Variants in GANC observed in about 807,000 individuals in gnomAD.
The protein encoded by GANC is neutral alpha-glucosidase C.
Under a neutral mutation model 124.2 loss-of-function variants are expected in GANC, and 117 were observed. The ratio of observed to expected loss-of-function variants is 0.94; its 90% CI spans 0.81 to 1.10. The LOEUF (loss-of-function observed/expected upper bound fraction) is 1.10, where lower values mean the gene tolerates loss of function less well. Among genes scored for constraint, GANC ranks in the 50% least tolerant of loss-of-function variants. The probability of loss-of-function intolerance (pLI) is 0.00; values close to 1 mark genes in which losing one functional copy is unlikely to be tolerated. For missense variants in GANC, 1,140 were observed against 1,095.0 expected, an observed-to-expected ratio of 1.04 and a Z score of -0.58; for synonymous variants, 377 against 376.8, an observed-to-expected ratio of 1.00 and a Z score of -0.01.
chr15:42,276,139 T>G (rs2051668581), intron 1 of GANC: 1 of 381,826 alleles, frequency 2.6e-6, no homozygotes, highest in South Asian at 3.9e-5. Flanking sequence ...ACCTGATGTT[T>G]TGTTGTTTAC....
At chr15:42,335,417 C>T (rs116400564) in intron 15 of GANC, among the ~76,000 whole-genome samples, 2,533 of 152,126 alleles carry the variant, frequency 0.017, 74 homozygotes, top group African/African-American at 0.059. Flanking sequence ...ATTCAGCATC[C>T]CTTCTTGTTA....
chr15:42,290,595 G>C (rs1251648818), intron 4 of GANC, among the ~76,000 whole-genome samples: 1 of 152,146 alleles, frequency 6.6e-6, no homozygotes, highest in Non-Finnish European at 1.5e-5. Context: ...ATTGCTTGAG[G>C]TTAAGGGTTG....
At chr15:42,313,918 C>G in intron 10 of GANC, 1 of 605,852 alleles carries the variant, frequency 1.7e-6, no homozygotes. Flanking sequence ...TGCTGCTGCT[C>G]TCCCGCCTAG....
At chr15:42,315,228 A>G (rs2052091307) in intron 10 of GANC, among the ~76,000 whole-genome samples, 1 of 151,116 alleles carries the variant, frequency 6.6e-6, no homozygotes, top group Non-Finnish European at 1.5e-5. Flanking sequence ...AAAAAAGAAA[A>G]GAAGCCATAC....
At position 42,278,453 on chromosome 15, in the gene GANC, T is replaced by C. The variant is rs1338959434; in HGVS notation, c.93-29T>C. ...GGATACTGACAATCACAAATAATTA[T>C]CAAGCATCTGCATACTCCGTATCTA... On this transcript the variant is annotated intron_variant, in intron 2 of 23. Transcript: ENST00000318010. 2.8e-6 allele frequency: 4 copies of C among 1,411,826 alleles called. No homozygotes were observed. The South Asian group carries it at 4.9e-5, about 17-fold the overall frequency. 87.5% of individuals were successfully genotyped at this position (1,411,826 alleles called of 1,614,324 possible). A position where few individuals can be genotyped will look rare whatever the true frequency, so the allele number is the denominator to read the frequency against.
chr15:42,326,745 A>G lies in GANC; in HGVS notation c.1420+321A>G, dbSNP rs189577458. Among the ~76,000 whole-genome samples, 24 of 152,320 alleles carry G rather than the reference A, an allele frequency of 1.6e-4. No individual in the cohort carries two copies. In the East Asian group the frequency reaches 4.4e-3, roughly 28 times the overall value. Reference sequence around the variant, plus strand: ...AAAGCAGAGGAGGAGAAAGAAAAAAAGTGGGTCCTGCAAGCTCTCTCCTTG... The same window carrying G: ...AAAGCAGAGGAGGAGAAAGAAAAAAGGTGGGTCCTGCAAGCTCTCTCCTTG... On this transcript the variant is annotated intron_variant, in intron 12 of 23. Coordinates refer to ENST00000318010, the MANE Select transcript of GANC (RefSeq NM_198141.3).
At position 42,276,361 on chromosome 15, in the gene GANC, G is replaced by A. The variant is rs1321736543; in HGVS notation, c.43G>A (p.Ala15Thr). Residue 15 changes from alanine (A) to threonine (T), a missense_variant, in exon 2 of 24, where the codon GCT (alanine) becomes ACT (threonine). Transcript: ENST00000318010. Reference protein sequence around the residue: ...VKEEISLEDEAVDKNIFRDCN... With the variant: ...VKEEISLEDETVDKNIFRDCN... The stretch of plus-strand genomic sequence containing the variant: ...CTTTTTATTTAGTCTTGAAGATGAA[G>A]CTGTAGATAAAAACATTTTCAGAGA... 1.4e-6 allele frequency: 2 copies of A among 1,463,202 alleles called. No homozygotes were observed. Among genetic ancestry groups the A allele is most frequent in the Admixed American group, 3.4e-5 (2 of 58,700 alleles). The allele number at this position is 1,463,202 out of a possible 1,614,324, so 90.6% of individuals were successfully genotyped here. A position where few individuals can be genotyped will look rare whatever the true frequency, so the allele number is the denominator to read the frequency against.
At chr15:42,325,645 T>C (rs1366164713) in intron 11 of GANC, among the ~76,000 whole-genome samples, 1 of 137,080 alleles carries the variant, frequency 7.3e-6, no homozygotes, top group Non-Finnish European at 1.7e-5. Flanking sequence ...TCTGTATGTA[T>C]AGTATGCAGC....
intron 6 of GANC, among the ~76,000 whole-genome samples, chr15:42,300,609 A>G (rs2141034663): frequency 6.6e-6 from 1 of 152,328 alleles, no homozygotes; most frequent in African/African-American, 2.4e-5. Flanking sequence ...TATATACCCA[A>G]AGGAATATAA....
intron 6 of GANC, among the ~76,000 whole-genome samples, chr15:42,299,517 GT>G: frequency 6.6e-6 from 1 of 152,172 alleles, no homozygotes; most frequent in African/African-American, 2.4e-5. Context: ...TTGGCCTGAA[GT>G]TTTCTTACTG....
At position 42,274,442 on chromosome 15, in the gene GANC, G is replaced by A; in HGVS notation, c.-40G>A. On this transcript the variant is annotated 5_prime_UTR_variant, in exon 1 of 24. Transcript: ENST00000318010. Reference sequence around the variant, plus strand: ...TTTTAAAAGATCGCCCAGGGCCCTTGTCCTGAGAGCTGGGAGCTGGTCGGA... The same window carrying A: ...TTTTAAAAGATCGCCCAGGGCCCTTATCCTGAGAGCTGGGAGCTGGTCGGA... 1 of 1,605,024 alleles carries A rather than the reference G, an allele frequency of 6.2e-7. No individual in the cohort carries two copies. Among genetic ancestry groups the A allele is most frequent in the Non-Finnish European group, 8.5e-7 (1 of 1,175,944 alleles).
At chr15:42,294,806 T>A (rs1172642472) in intron 5 of GANC, among the ~76,000 whole-genome samples, 3 of 151,462 alleles carry the variant, frequency 2.0e-5, no homozygotes, top group Admixed American at 6.5e-5. Context: ...CATGATTCAC[T>A]GAGTAAATTC....
chr15:42,290,381 A>G (rs1392127317), intron 4 of GANC, among the ~76,000 whole-genome samples: 2 of 152,216 alleles, frequency 1.3e-5, no homozygotes, highest in Non-Finnish European at 2.9e-5. Context: ...TGACAATCCT[A>G]AAAGTCCTCA....
At chr15:42,310,550 C>T (rs1215737535) in intron 9 of GANC, 87 bp downstream of exon 9, 1 of 1,458,910 alleles carries the variant, frequency 6.9e-7, no homozygotes, top group East Asian at 2.4e-5. Flanking sequence ...TTTGTATTGG[C>T]ACTTCTCTGC....
intron 3 of GANC, among the ~76,000 whole-genome samples, chr15:42,286,543 A>G (rs959609551): frequency 3.9e-5 from 6 of 152,264 alleles, no homozygotes; most frequent in African/African-American, 1.4e-4. Context: ...AACATTAAAC[A>G]TGCAAGCAGT....
chr15:42,274,898 CA>C lies in GANC; in HGVS notation c.29+397del, dbSNP rs557992902. Among the ~76,000 whole-genome samples the C allele has an allele frequency of 5.0e-4, 74 of 148,352 alleles. 1 individual carries two copies. The Middle Eastern group carries it at 0.01, about 21-fold the overall frequency. On this transcript the variant is annotated intron_variant, in intron 1 of 23. Coordinates refer to ENST00000318010, the MANE Select transcript of GANC (RefSeq NM_198141.3). ...GGGCAACAAAGTGAGACCCTGTCTC[CA>C]AAAAAAAAGGATGGTTAAATAACAT...
Position 42,307,337 on chromosome 15 carries a change from C to CTT in GANC, c.625+738_625+739dup, listed in dbSNP as rs11437522. 7.4e-3 allele frequency among the ~76,000 whole-genome samples: 1,002 copies of CTT among 134,982 alleles called. 24 individuals carry two copies. Among genetic ancestry groups the CTT allele is most frequent in the South Asian group, 0.011 (46 of 4,374 alleles). The allele number at this position is 134,982 out of a possible 152,430, so 88.6% of individuals were successfully genotyped here. A position where few individuals can be genotyped will look rare whatever the true frequency, so the allele number is the denominator to read the frequency against. ...TTCTGTAACATCATCATCTTTTTAT[C>CTT]TTTTTTTTTTTTTTGAGGCAGGTTC... On this transcript the variant is annotated intron_variant, in intron 7 of 23. Coordinates refer to ENST00000318010, the MANE Select transcript of GANC (RefSeq NM_198141.3).
chr15:42,351,979 C>G (rs774025149), intron 23 of GANC, 51 bp from the exon 24 acceptor site: 5 of 1,605,054 alleles, frequency 3.1e-6, no homozygotes, highest in African/African-American at 1.3e-5. Context: ...AAAGACTTTT[C>G]CCTTCTAGAG....
Position 42,353,374 on chromosome 15 carries a change from T to G in GANC, c.*1235T>G, listed in dbSNP as rs1276556650. On this transcript the variant is annotated 3_prime_UTR_variant, in exon 24 of 24. Coordinates refer to ENST00000318010, the MANE Select transcript of GANC (RefSeq NM_198141.3). ...TCCAGGCCCAACTTAAATCCCACTT[T>G]CCCATGAAGCCTAACTGCGTGAACA... 1.9e-5 allele frequency: 19 copies of G among 985,400 alleles called. No homozygotes were observed. Among genetic ancestry groups the G allele is most frequent in the Non-Finnish European group, 2.3e-5 (19 of 829,594 alleles). The allele number at this position is 985,400 out of a possible 1,614,324, so 61.0% of individuals were successfully genotyped here.
Sources: allele counts gnomAD v4.1 joint callset (sites outside exome capture counted in the v4.1 genomes callset), GRCh38; gene constraint gnomAD v4.1.1; transcripts MANE v1.5; gene names NCBI Gene and HGNC (gene_info 2026-07-23, HGNC 2026-07-21).